The following ST6GALNAC3 variants were observed in gnomAD, a reference collection of about 807,000 sequenced individuals.
ST6GALNAC3 encodes alpha-N-acetylgalactosaminide alpha-2,6-sialyltransferase 3.
In ST6GALNAC3, 25 loss-of-function variants were observed where a neutral mutation model predicts 32.7. The ratio of observed to expected loss-of-function variants is 0.76; its 90% CI spans 0.56 to 1.07. The LOEUF (loss-of-function observed/expected upper bound fraction) is 1.07. ST6GALNAC3 is among the 50% of genes least tolerant of loss of function. ST6GALNAC3 has a pLI of 0.00. For synonymous variants in ST6GALNAC3, 129 were observed against 133.1 expected (o/e 0.97, Z 0.21); for missense variants, 355 against 382.4 (o/e 0.93, Z 0.60).
intron 3 of ST6GALNAC3, among the ~76,000 whole-genome samples, chr1:76,485,913 G>C (rs1022945832): frequency 7.2e-5 from 11 of 152,082 alleles, no homozygotes; most frequent in Admixed American, 5.9e-4. Context: ...CAGAGATTCT[G>C]GTATGTTGTG....
At chr1:76,123,261 A>T (rs1570070247) in intron 1 of ST6GALNAC3, among the ~76,000 whole-genome samples, 1 of 151,792 alleles carries the variant, frequency 6.6e-6, no homozygotes, top group East Asian at 1.9e-4. Flanking sequence ...AATCCCATCT[A>T]CCAGCTACTC....
At chr1:76,129,249 T>TA (rs2100860084) in intron 1 of ST6GALNAC3, among the ~76,000 whole-genome samples, 1 of 152,130 alleles carries the variant, frequency 6.6e-6, no homozygotes, top group East Asian at 1.9e-4. Context: ...ACTTCCAAGT[T>TA]AGAGTAAGGG....
intron 2 of ST6GALNAC3, among the ~76,000 whole-genome samples, chr1:76,411,293 C>T (rs143871602): frequency 1.9e-4 from 29 of 152,154 alleles, no homozygotes; most frequent in African/African-American, 7.0e-4. Context: ...TCTATTATCT[C>T]CGTGGTTAAA....
At chr1:76,190,348 A>G (rs1055227121) in intron 1 of ST6GALNAC3, among the ~76,000 whole-genome samples, 5 of 152,182 alleles carry the variant, frequency 3.3e-5, no homozygotes, top group African/African-American at 1.2e-4. Flanking sequence ...CAGCCTAGTG[A>G]CTTCTTGCTG....
intron 1 of ST6GALNAC3, among the ~76,000 whole-genome samples, chr1:76,126,617 C>T (rs933181769): frequency 6.6e-6 from 1 of 152,182 alleles, no homozygotes; most frequent in Non-Finnish European, 1.5e-5. Context: ...ACGCAGCACT[C>T]AGCAGAACAG....
intron 3 of ST6GALNAC3, among the ~76,000 whole-genome samples, chr1:76,523,266 T>G (rs1662664163): frequency 6.6e-6 from 1 of 152,170 alleles, no homozygotes; most frequent in Non-Finnish European, 1.5e-5. Context: ...AATTTATCTA[T>G]TTTTCTTATT....
At chr1:76,437,569 CT>C (rs1301715774) in intron 3 of ST6GALNAC3, among the ~76,000 whole-genome samples, 6 of 128,878 alleles carry the variant, frequency 4.7e-5, no homozygotes, top group South Asian at 2.5e-4. Context: ...TCTTTTCTTT[CT>C]TTTTTTTTTC....
At chr1:76,100,244 C>T (rs1263305068) in intron 1 of ST6GALNAC3, among the ~76,000 whole-genome samples, 1 of 151,432 alleles carries the variant, frequency 6.6e-6, no homozygotes, top group Non-Finnish European at 1.5e-5. Flanking sequence ...CTTTTTTTAC[C>T]TGATTGTACT....
rs184393120 is a variant in ST6GALNAC3 at position 76,426,186 on chromosome 1, A to G, written c.623+13769A>G. 9.2e-5 allele frequency among the ~76,000 whole-genome samples: 14 copies of G among 151,362 alleles called. No homozygotes were observed. The East Asian group carries it at 2.1e-3, about 23-fold the overall frequency. Reference sequence around the variant, plus strand: ...TGCTTTTCAAACTCTATTTTCCTTTATGTTACTTGTTATGGCCTGATATGT... The same window carrying G: ...TGCTTTTCAAACTCTATTTTCCTTTGTGTTACTTGTTATGGCCTGATATGT... On this transcript the variant is annotated intron_variant, in intron 3 of 4. Coordinates refer to ENST00000328299, the MANE Select transcript of ST6GALNAC3 (RefSeq NM_152996.4).
intron 2 of ST6GALNAC3, among the ~76,000 whole-genome samples, chr1:76,336,339 T>C (rs571533096): frequency 9.2e-5 from 14 of 152,342 alleles, no homozygotes; most frequent in African/African-American, 3.4e-4. Flanking sequence ...TTTCTGGTTT[T>C]CCCCTAATGA....
intron 2 of ST6GALNAC3, among the ~76,000 whole-genome samples, chr1:76,388,772 TGTG>T (rs1222603238): frequency 6.6e-6 from 1 of 152,182 alleles, no homozygotes; most frequent in Non-Finnish European, 1.5e-5. Context: ...TCCTTTTAAA[TGTG>T]GTCACATTTC....
chr1:76,415,688 A>G (rs1346410200), intron 3 of ST6GALNAC3, among the ~76,000 whole-genome samples: 1 of 151,828 alleles, frequency 6.6e-6, no homozygotes, highest in Non-Finnish European at 1.5e-5. Flanking sequence ...CTTTTTTTGT[A>G]CATATTCCGA....
Position 76,537,495 on chromosome 1 carries a change from A to T in ST6GALNAC3, c.624-89957A>T, listed in dbSNP as rs118168957. ...GAGCAGAATTGAATGAGATAGAGAC[A>T]TGAAAAACCCTCCAAAAATCAATGA... On this transcript the variant is annotated intron_variant, in intron 3 of 4. Coordinates refer to ENST00000328299, the MANE Select transcript of ST6GALNAC3 (RefSeq NM_152996.4). Among the ~76,000 whole-genome samples the T allele has an allele frequency of 7.6e-4, 115 of 152,288 alleles. 4 individuals are homozygous for T. In the East Asian group the frequency reaches 0.021, roughly 28 times the overall value.
chr1:76,123,871 T>G (rs1160120147), intron 1 of ST6GALNAC3, among the ~76,000 whole-genome samples: 1 of 142,606 alleles, frequency 7.0e-6, no homozygotes, highest in Non-Finnish European at 1.5e-5. Context: ...TGACTCAGCC[T>G]CCCAAATAGC....
chr1:76,352,526 G>T lies in ST6GALNAC3; in HGVS notation c.213+38527G>T, dbSNP rs375548881. Reference sequence around the variant, plus strand: ...TTTTTTTTTTTTTTTTTTTACCTCCGGCCAATCTCTAATTGCTGGAGTGCT... The same window carrying T: ...TTTTTTTTTTTTTTTTTTTACCTCCTGCCAATCTCTAATTGCTGGAGTGCT... On this transcript the variant is annotated intron_variant, in intron 2 of 4. Transcript: ENST00000328299. Among the ~76,000 whole-genome samples, 126 of 124,806 alleles carry T rather than the reference G, an allele frequency of 1.0e-3. 1 individual carries two copies. The highest frequency in any genetic ancestry group is 3.5e-3 in the African/African-American group (118 of 33,770). 81.9% of individuals were successfully genotyped at this position (124,806 alleles called of 152,430 possible). A position where few individuals can be genotyped will look rare whatever the true frequency, so the allele number is the denominator to read the frequency against.
chr1:76,470,329 G>T (rs932864227), intron 3 of ST6GALNAC3, among the ~76,000 whole-genome samples: 1 of 152,006 alleles, frequency 6.6e-6, no homozygotes, highest in Non-Finnish European at 1.5e-5. Context: ...GGTTGCAAAA[G>T]ATTCCACATG....
At chr1:76,470,384 AGACTGGCTAGCT>A (rs1658937832) in intron 3 of ST6GALNAC3, among the ~76,000 whole-genome samples, 1 of 152,120 alleles carries the variant, frequency 6.6e-6, no homozygotes, top group African/African-American at 2.4e-5. Context: ...ATGATATGGT[AGACTGGCTAGCT>A]GAAGACTGGG....
intron 3 of ST6GALNAC3, among the ~76,000 whole-genome samples, chr1:76,573,506 G>T (rs1646745254): frequency 6.6e-6 from 1 of 152,034 alleles, no homozygotes; most frequent in Admixed American, 6.6e-5. Context: ...TTCCTTCTCT[G>T]CTCAGAACTT....
chr1:76,491,103 C>T (rs566491430), intron 3 of ST6GALNAC3, among the ~76,000 whole-genome samples: 1 of 152,168 alleles, frequency 6.6e-6, no homozygotes, highest in South Asian at 2.1e-4. Context: ...GGTGATCCGC[C>T]CACCTTGGCC....
Sources: allele counts gnomAD v4.1 joint callset (sites outside exome capture counted in the v4.1 genomes callset), GRCh38; gene constraint gnomAD v4.1.1; transcripts MANE v1.5; gene names NCBI Gene and HGNC (gene_info 2026-07-23, HGNC 2026-07-21).